INPP4B: variants seen among roughly 807,000 people sequenced by gnomAD.
INPP4B encodes inositol polyphosphate 4-phosphatase type II.
Under a neutral mutation model 122.5 loss-of-function variants are expected in INPP4B, and 55 were observed. That is an observed-to-expected ratio of 0.45 (90% confidence interval 0.36 to 0.56). The LOEUF is 0.56. INPP4B is among the 20% of genes least tolerant of loss of function. The pLI is 0.00. For missense variants in INPP4B, 1,000 were observed against 1,097.7 expected, an observed-to-expected ratio of 0.91 and a Z score of 1.26; for synonymous variants, 403 against 388.7, an observed-to-expected ratio of 1.04 and a Z score of -0.43.
intron 25 of INPP4B, among the ~76,000 whole-genome samples, chr4:142,067,200 C>T (rs1235532287): frequency 1.3e-5 from 2 of 152,136 alleles, no homozygotes; most frequent in African/African-American, 4.8e-5. Context: ...CTGGTGATAC[C>T]CAGGCAAACA....
intron 19 of INPP4B, 130 bp downstream of exon 19, chr4:142,124,458 C>T (rs1797848725): frequency 1.3e-6 from 1 of 765,330 alleles, no homozygotes; most frequent in Admixed American, 2.6e-5. Context: ...GAATAAGAAA[C>T]ATGGGATACC....
chr4:142,117,004 C>A (rs2152727543), intron 21 of INPP4B, among the ~76,000 whole-genome samples: 1 of 152,182 alleles, frequency 6.6e-6, no homozygotes, highest in East Asian at 1.9e-4. Context: ...CACAGAAATA[C>A]AAACTATCAT....
At chr4:142,628,281 AATC>A (rs1363339952) in intron 2 of INPP4B, among the ~76,000 whole-genome samples, 1 of 148,062 alleles carries the variant, frequency 6.8e-6, no homozygotes, top group Admixed American at 6.8e-5. Context: ...TGAAATTGGA[AATC>A]ATCATTCTCA....
intron 2 of INPP4B, among the ~76,000 whole-genome samples, chr4:142,574,531 T>C (rs1258472779): frequency 2.6e-5 from 4 of 152,092 alleles, no homozygotes; most frequent in Non-Finnish European, 5.9e-5. Flanking sequence ...AGAAAGTTAC[T>C]TGAAGCTTAC....
intron 1 of INPP4B, among the ~76,000 whole-genome samples, chr4:142,729,196 A>G (rs1412055870): frequency 6.6e-6 from 1 of 152,218 alleles, no homozygotes; most frequent in East Asian, 1.9e-4. Context: ...GAGCTCAGGC[A>G]GTAATGCTTG....
intron 7 of INPP4B, among the ~76,000 whole-genome samples, chr4:142,395,803 G>A (rs1282828818): frequency 6.6e-6 from 1 of 152,094 alleles, no homozygotes; most frequent in Non-Finnish European, 1.5e-5. Context: ...AGTCACAGAA[G>A]GATGCATACA....
chr4:142,066,020 C>T (rs1213986269), intron 25 of INPP4B, among the ~76,000 whole-genome samples: 3 of 151,918 alleles, frequency 2.0e-5, no homozygotes, highest in African/African-American at 7.3e-5. Flanking sequence ...ATTCCTTTCC[C>T]CCAAGAGTGT....
At chr4:142,281,898 A>G (rs1751381729) in intron 9 of INPP4B, among the ~76,000 whole-genome samples, 1 of 152,110 alleles carries the variant, frequency 6.6e-6, no homozygotes, top group Admixed American at 6.6e-5. Flanking sequence ...TACATAAAAC[A>G]CCATAAAGAT....
At chr4:142,198,563 G>T (rs1300036273) in intron 14 of INPP4B, among the ~76,000 whole-genome samples, 1 of 149,290 alleles carries the variant, frequency 6.7e-6, no homozygotes, top group Non-Finnish European at 1.5e-5. Context: ...ACAGTCTTCT[G>T]TCATATCCAC....
chr4:142,215,785 C>T (rs955081675), intron 12 of INPP4B, among the ~76,000 whole-genome samples: 16 of 150,556 alleles, frequency 1.1e-4, no homozygotes, highest in Non-Finnish European at 1.5e-4. Context: ...CCCAGCTACT[C>T]GGGAGGCTGA....
At chr4:142,564,503 G>C (rs1731213002) in intron 2 of INPP4B, among the ~76,000 whole-genome samples, 1 of 136,276 alleles carries the variant, frequency 7.3e-6, no homozygotes, top group South Asian at 2.4e-4. Flanking sequence ...CAGTTAATAA[G>C]AACCAGACCA....
intron 5 of INPP4B, among the ~76,000 whole-genome samples, chr4:142,417,019 C>T (rs1240076596): frequency 1.3e-5 from 2 of 151,972 alleles, no homozygotes; most frequent in Non-Finnish European, 2.9e-5. Context: ...TGAAAGCAAC[C>T]GAGATCAGAC....
chr4:142,287,828 G>T (rs1473259885), intron 9 of INPP4B, among the ~76,000 whole-genome samples: 2 of 152,086 alleles, frequency 1.3e-5, no homozygotes, highest in Non-Finnish European at 2.9e-5. Context: ...TAACAAAATA[G>T]CATATAAAAC....
chr4:142,175,324 T>A (rs933400901), intron 15 of INPP4B, among the ~76,000 whole-genome samples: 1 of 152,258 alleles, frequency 6.6e-6, no homozygotes, highest in East Asian at 1.9e-4. Context: ...CACTAGTGAT[T>A]TTTCAGGGGA....
intron 7 of INPP4B, among the ~76,000 whole-genome samples, chr4:142,350,079 A>G (rs559975864): frequency 1.3e-5 from 2 of 152,098 alleles, no homozygotes; most frequent in East Asian, 3.9e-4. Context: ...TTAGAATGCA[A>G]TAAGACATAA....
intron 5 of INPP4B, among the ~76,000 whole-genome samples, chr4:142,428,693 T>C (rs1000063027): frequency 6.6e-6 from 1 of 152,086 alleles, no homozygotes; most frequent in Non-Finnish European, 1.5e-5. Context: ...TGATTGAAAG[T>C]TAAATTCTCA....
chr4:142,177,275 C>T (rs1160080327), intron 15 of INPP4B, among the ~76,000 whole-genome samples: 1 of 151,590 alleles, frequency 6.6e-6, no homozygotes, highest in Non-Finnish European at 1.5e-5. Context: ...AAAAAAATCA[C>T]CACTCACAAA....
At chr4:142,137,718 G>A (rs1310950352) in intron 18 of INPP4B, among the ~76,000 whole-genome samples, 2 of 148,302 alleles carry the variant, frequency 1.3e-5, no homozygotes, top group Non-Finnish European at 3.0e-5. Flanking sequence ...ATCAAAAAGT[G>A]GGCAAAGGAT....
chr4:142,093,945 T>C (rs1780695726), intron 23 of INPP4B, among the ~76,000 whole-genome samples: 1 of 151,906 alleles, frequency 6.6e-6, no homozygotes, highest in Non-Finnish European at 1.5e-5. Context: ...AAGCAATATA[T>C]TAAAAATTCT....
Sources: gnomAD v4.1 joint callset for allele counts (sites outside exome capture counted in the v4.1 genomes callset) on GRCh38, gnomAD v4.1.1 for gene constraint, MANE v1.5 for transcripts, NCBI Gene and HGNC (gene_info 2026-07-23, HGNC 2026-07-21) for gene names.